CAPS2: variants seen among roughly 807,000 people sequenced by gnomAD.
CAPS2 encodes calcyphosine 2, also known as calcyphosin-2.
A neutral mutation model predicts 86.5 loss-of-function variants in CAPS2; 98 were observed. That is an observed-to-expected ratio of 1.13 (90% CI 0.96 to 1.34). The LOEUF (loss-of-function observed/expected upper bound fraction) is 1.34. Among genes scored for constraint, CAPS2 ranks in the 40% most tolerant of loss-of-function variants. The pLI is 0.00. For synonymous variants in CAPS2, 210 were observed against 225.1 expected (o/e 0.93, Z 0.60); for missense variants, 729 against 686.8 (o/e 1.06, Z -0.69).
At chr12:75,299,613 C>T (rs909019583) in intron 9 of CAPS2, among the ~76,000 whole-genome samples, 15 of 151,962 alleles carry the variant, frequency 9.9e-5, no homozygotes, top group Admixed American at 2.6e-4. Context: ...TATTTAAATT[C>T]GCTTTAAAGA....
upstream of CAPS2, chr12:75,330,123 A>C: frequency 5.6e-6 from 2 of 359,864 alleles, no homozygotes; most frequent in Non-Finnish European, 9.9e-6. Flanking sequence ...CCAGGGACGA[A>C]AAGGTCGTCG....
chr12:75,293,814 T>G (rs1421548603), intron 11 of CAPS2, among the ~76,000 whole-genome samples: 1 of 152,238 alleles, frequency 6.6e-6, no homozygotes, highest in Non-Finnish European at 1.5e-5. Flanking sequence ...TAATTAGAAC[T>G]TCAAAACTTC....
intron 1 of CAPS2, among the ~76,000 whole-genome samples, chr12:75,377,890 A>T (rs2044743650): frequency 6.6e-6 from 1 of 151,130 alleles, no homozygotes; most frequent in East Asian, 1.9e-4. Flanking sequence ...TATATATATA[A>T]AATATCTGTA....
intron 1 of CAPS2, among the ~76,000 whole-genome samples, chr12:75,388,240 T>C (rs531573867): frequency 6.6e-6 from 1 of 152,316 alleles, no homozygotes; most frequent in Non-Finnish European, 1.5e-5. Context: ...TGCTCCTCCT[T>C]CGTCTTCCAC....
chr12:75,333,464 G>A (rs1161615233), upstream of CAPS2, among the ~76,000 whole-genome samples: 4 of 150,952 alleles, frequency 2.6e-5, no homozygotes, highest in Admixed American at 2.0e-4. Flanking sequence ...ACACACACAC[G>A]TATATATGTT....
chr12:75,336,323 T>A (rs930932989), intron 1 of CAPS2, among the ~76,000 whole-genome samples: 11 of 151,754 alleles, frequency 7.2e-5, no homozygotes, highest in Non-Finnish European at 1.5e-4. Context: ...AAATAGCAAA[T>A]GGTAGACTAA....
intron 1 of CAPS2, among the ~76,000 whole-genome samples, chr12:75,342,349 T>C (rs1466254869): frequency 6.6e-6 from 1 of 152,212 alleles, no homozygotes; most frequent in Non-Finnish European, 1.5e-5. Flanking sequence ...TATCATACTA[T>C]TGTTACAAAA....
intron 4 of CAPS2, among the ~76,000 whole-genome samples, chr12:75,321,919 C>T (rs913332428): frequency 1.3e-5 from 2 of 152,038 alleles, no homozygotes; most frequent in African/African-American, 4.8e-5. Context: ...AAGAACTTCA[C>T]TGTAAATCAT....
upstream of CAPS2, among the ~76,000 whole-genome samples, chr12:75,330,281 G>C (rs1026305975): frequency 1.3e-5 from 2 of 152,146 alleles, no homozygotes; most frequent in Admixed American, 6.5e-5. Context: ...ACCCAAAGGG[G>C]TGAAACCTCA....
intron 11 of CAPS2, among the ~76,000 whole-genome samples, chr12:75,297,322 T>C (rs565455646): frequency 2.6e-5 from 4 of 152,340 alleles, no homozygotes; most frequent in African/African-American, 9.6e-5. Context: ...GGCTTGAGTG[T>C]CATATGTATA....
intron 2 of CAPS2, among the ~76,000 whole-genome samples, chr12:75,323,699 C>A (rs7967619): frequency 6.6e-6 from 1 of 152,012 alleles, no homozygotes; most frequent in African/African-American, 2.4e-5. Context: ...GCCGAGATTG[C>A]GCCATTGCAC....
At chr12:75,291,773 T>C (rs766854192) in exon 13 of CAPS2, 18 of 1,565,758 alleles carry the variant, frequency 1.1e-5, no homozygotes, top group Admixed American at 1.7e-5. Flanking sequence ...CAGCCTATCA[T>C]TGGTTTCTTG....
intron 15 of CAPS2, among the ~76,000 whole-genome samples, chr12:75,283,526 G>A (rs2034340403): frequency 6.6e-6 from 1 of 151,974 alleles, no homozygotes; most frequent in Non-Finnish European, 1.5e-5. Context: ...TAAGAAGGCA[G>A]TAGGGCCAGG....
At chr12:75,278,237 C>T (rs1379669863) in exon 17 of CAPS2, 1 of 982,722 alleles carries the variant, frequency 1.0e-6, no homozygotes, top group Admixed American at 6.2e-5. Context: ...ATTTAACCAA[C>T]AACAGTACAT....
At chr12:75,363,673 G>GA (rs1172789598) in intron 1 of CAPS2, among the ~76,000 whole-genome samples, 15 of 150,038 alleles carry the variant, frequency 1.0e-4, no homozygotes, top group African/African-American at 3.4e-4. Context: ...GAGGCCAGAG[G>GA]AAAAAAAAAT....
intron 1 of CAPS2, among the ~76,000 whole-genome samples, chr12:75,382,052 T>G (rs111740447): frequency 5.3e-5 from 8 of 152,252 alleles, no homozygotes; most frequent in African/African-American, 1.9e-4. Flanking sequence ...GGCTTTTATG[T>G]GTGGATCATT....
intron 14 of CAPS2, 53 bp from the exon 15 acceptor site, chr12:75,285,133 C>A (rs200819434): frequency 4.5e-6 from 7 of 1,557,812 alleles, no homozygotes; most frequent in African/African-American, 4.1e-5. Flanking sequence ...ATCGTCACAA[C>A]AAAATCATCT....
chr12:75,299,795 T>C (rs1421087540), intron 9 of CAPS2, 42 bp downstream of exon 9: 2 of 972,286 alleles, frequency 2.1e-6, no homozygotes, highest in East Asian at 5.2e-5. Flanking sequence ...GAATACGTTT[T>C]TATAATCATA....
At chr12:75,330,788 CTT>C (rs112092989), upstream of CAPS2, among the ~76,000 whole-genome samples, 10 of 141,026 alleles carry the variant, frequency 7.1e-5, no homozygotes, top group African/African-American at 1.0e-4. Flanking sequence ...TATTCTTTGC[CTT>C]TTTTTTTTTT....
Sources: allele counts gnomAD v4.1 joint callset (sites outside exome capture counted in the v4.1 genomes callset), GRCh38; gene constraint gnomAD v4.1.1; transcripts MANE v1.5; gene names NCBI Gene and HGNC (gene_info 2026-07-23, HGNC 2026-07-21).